Variants in HPS4 observed in about 807,000 individuals in gnomAD.
HPS4 encodes the protein HPS4 biogenesis of lysosomal organelles complex 3 subunit 2.
HPS4 carries 44 observed loss-of-function variants against 70.3 expected under a neutral mutation model. That is an observed-to-expected ratio of 0.63 (90% CI 0.49 to 0.80). HPS4 has a LOEUF of 0.80. HPS4 is among the 30% of genes least tolerant of loss of function. The probability of loss-of-function intolerance (pLI) is 0.00; values close to 1 mark genes in which losing one functional copy is unlikely to be tolerated. For synonymous variants in HPS4, 377 were observed against 355.9 expected (o/e 1.06, Z -0.67); for missense variants, 873 against 884.4 (o/e 0.99, Z 0.16).
At chr22:26,443,274 C>CA, downstream of HPS4, 1 of 1,313,776 alleles carries the variant, frequency 7.6e-7, no homozygotes, top group Non-Finnish European at 1.1e-6. Context: ...TGGTCCGGTC[C>CA]AGTCCCTACC....
chr22:26,457,850 G>A lies in HPS4; in HGVS notation c.1955+9C>T, dbSNP rs2086435425. On this transcript the variant is annotated intron_variant, in intron 13 of 13. Coordinates refer to ENST00000398145, the MANE Select transcript of HPS4 (RefSeq NM_022081.6). ...AGAGTAGGTTGGGGAGCGACTCAGG[G>A]AGGCTCACCTGACAGTCATTTCATA... 2 of 1,604,816 alleles carry A rather than the reference G, an allele frequency of 1.2e-6. No individual in the cohort carries two copies. The highest frequency in any genetic ancestry group is 1.7e-6 in the Non-Finnish European group (2 of 1,171,464).
At chr22:26,445,839 C>T (rs1246402055) in intron 3 of HPS4, among the ~76,000 whole-genome samples, 1 of 152,202 alleles carries the variant, frequency 6.6e-6, no homozygotes, top group Non-Finnish European at 1.5e-5. Flanking sequence ...TGTGTCTAAT[C>T]ACAGAGGAAG....
chr22:26,450,162 C>A (rs889129731), downstream of HPS4, among the ~76,000 whole-genome samples: 2 of 152,188 alleles, frequency 1.3e-5, no homozygotes, highest in African/African-American at 4.8e-5. Context: ...ACCACATCTG[C>A]AAACATCCGA....
intron 2 of HPS4, among the ~76,000 whole-genome samples, chr22:26,481,191 TAATC>T (rs2091252108): frequency 6.6e-6 from 1 of 151,620 alleles, no homozygotes; most frequent in African/African-American, 2.4e-5. Context: ...TCCACATAAA[TAATC>T]AGTCACTAAA....
chr22:26,482,950 C>T (rs2091439373), intron 1 of HPS4: 1 of 152,236 alleles, frequency 6.6e-6, no homozygotes, highest in African/African-American at 2.4e-5. Flanking sequence ...TTGTCTAATT[C>T]TTACTGTCAC....
intron 2 of HPS4, among the ~76,000 whole-genome samples, chr22:26,479,867 A>G (rs2091086761): frequency 6.6e-6 from 1 of 152,218 alleles, no homozygotes; most frequent in Non-Finnish European, 1.5e-5. Flanking sequence ...CGCAGTTTCA[A>G]TGCAGGATAG....
chr22:26,449,094 G>A (rs997395350), downstream of HPS4, among the ~76,000 whole-genome samples: 1 of 152,124 alleles, frequency 6.6e-6, no homozygotes. Context: ...TTCAGGGCAG[G>A]AATCTATCTC....
chr22:26,454,223 C>T (rs2085686230), intron 13 of HPS4, among the ~76,000 whole-genome samples: 1 of 152,238 alleles, frequency 6.6e-6, no homozygotes, highest in Admixed American at 6.5e-5. Flanking sequence ...TTCAGTGTCT[C>T]CTGCACCCAC....
downstream of HPS4, among the ~76,000 whole-genome samples, chr22:26,449,533 G>A (rs1006519766): frequency 6.6e-5 from 10 of 151,892 alleles, no homozygotes; most frequent in Admixed American, 3.3e-4. Context: ...GTTTCATCAC[G>A]TTGGCCAGGC....
rs377095595 is a variant in HPS4 at position 26,458,689 on chromosome 22, GCTCACACCTGTAAT to G, written c.1714-126_1714-113del. The stretch of plus-strand genomic sequence containing the variant: ...AAAAATCCTCCAGCCAGGCACGGTG[GCTCACACCTGTAAT>G]CCCAGTGCTTTGTGAGACCGAGGCA... On this transcript the variant is annotated intron_variant, in intron 11 of 13. Transcript: ENST00000398145. 1,031 of 1,272,482 alleles carry G rather than the reference GCTCACACCTGTAAT, an allele frequency of 8.1e-4. 15 individuals carry two copies. In the African/African-American group the frequency reaches 0.014, roughly 17 times the overall value. 78.8% of individuals were successfully genotyped at this position (1,272,482 alleles called of 1,614,324 possible).
chr22:26,467,696 A>G (rs913247490), intron 8 of HPS4: 4 of 152,214 alleles, frequency 2.6e-5, no homozygotes. Flanking sequence ...GCCTCATGAT[A>G]CGCTGGAAAC....
At position 26,470,821 on chromosome 22, in the gene HPS4, G is replaced by C. The variant is rs771264373; in HGVS notation, c.502-8C>G. ...CAACAACAGGGGCTCCACCTGTGCA[G>C]GGCAAGAGGCATCATGCCCACCCAT... On this transcript the variant is annotated splice_polypyrimidine_tract_variant and splice_region_variant and intron_variant, in intron 6 of 13. Coordinates refer to ENST00000398145, the MANE Select transcript of HPS4 (RefSeq NM_022081.6). The C allele has an allele frequency of 1.8e-5, 29 of 1,614,150 alleles. No individual in the cohort carries two copies. In the Admixed American group the frequency reaches 4.8e-4, roughly 27 times the overall value.
At chr22:26,478,091 G>GT (rs1157225994) in intron 3 of HPS4, among the ~76,000 whole-genome samples, 8 of 152,304 alleles carry the variant, frequency 5.3e-5, no homozygotes, top group South Asian at 2.1e-4. Flanking sequence ...TACAGTCTGG[G>GT]TATCAGGTAA....
intron 1 of HPS4, chr22:26,483,001 T>C (rs5752333): frequency 0.82 from 124,096 of 152,244 alleles, 51,325 homozygotes; most frequent in South Asian, 0.89. Context: ...GTCTCAAATG[T>C]TTGCTCACCA....
chr22:26,475,124 T>C (rs1269007877), intron 4 of HPS4, among the ~76,000 whole-genome samples: 1 of 152,202 alleles, frequency 6.6e-6, no homozygotes, highest in South Asian at 2.1e-4. Context: ...AATACTTGTA[T>C]AGGAATGTTC....
At chr22:26,472,990 A>G (rs1348653480) in intron 4 of HPS4, 51 bp from the exon 5 acceptor site, 1 of 1,535,096 alleles carries the variant, frequency 6.5e-7, no homozygotes, top group Non-Finnish European at 9.0e-7. Flanking sequence ...CTTTGAGTCC[A>G]AGCCCAGAAT....
chr22:26,483,410 C>G (rs134980), intron 1 of HPS4, among the ~76,000 whole-genome samples: 152,335 of 152,348 alleles, frequency 1, 76,161 homozygotes, highest in Middle Eastern at 1. Context: ...GCTGGTGATA[C>G]TGCTGTGGGA....
chr22:26,472,411 G>C lies in HPS4; in HGVS notation c.392C>G (p.Ser131Cys). Residue 131 changes from serine to cysteine, a missense_variant, in exon 6 of 14, where the codon TCT becomes TGT. By Grantham distance (112) the Ser-to-Cys change is moderately radical (BLOSUM62 -1). Coordinates refer to ENST00000398145, the MANE Select transcript of HPS4 (RefSeq NM_022081.6). ...CCACTCCGTGCTCAGTTCTTCCTGA[G>C]AACAGTTCTAAAACAGAAAGAGCCT... ...GPVSLAYENC[S>C]QEELSTEWDT... The C allele has an allele frequency of 1.2e-6, 2 of 1,601,144 alleles. No individual in the cohort carries two copies. The highest frequency in any genetic ancestry group is 1.7e-6 in the Non-Finnish European group (2 of 1,168,150).
downstream of HPS4, chr22:26,443,418 T>G: frequency 1.9e-6 from 1 of 520,220 alleles, no homozygotes; most frequent in South Asian, 2.2e-5. Context: ...AGATTTTTTT[T>G]TTTTCCTTCC....
Sources: gnomAD v4.1 joint callset for allele counts (sites outside exome capture counted in the v4.1 genomes callset) on GRCh38, gnomAD v4.1.1 for gene constraint, MANE v1.5 for transcripts, NCBI Gene and HGNC (gene_info 2026-07-23, HGNC 2026-07-21) for gene names.